RGL3: variants seen among roughly 807,000 people sequenced by gnomAD.
The protein encoded by RGL3 is ral guanine nucleotide dissociation stimulator like 3.
A neutral mutation model predicts 90.6 loss-of-function variants in RGL3; 85 were observed. The observed-to-expected ratio is 0.94, with a 90% CI of 0.79 to 1.12. The LOEUF (loss-of-function observed/expected upper bound fraction) is 1.12, where lower values mean the gene tolerates loss of function less well. RGL3 is among the 50% of genes most tolerant of loss of function. RGL3 has a pLI of 0.00. For synonymous variants in RGL3, 408 were observed against 385.5 expected (o/e 1.06, Z -0.68); for missense variants, 1,034 against 939.2 (o/e 1.10, Z -1.32).
intron 13 of RGL3, among the ~76,000 whole-genome samples, chr19:11,401,273 A>C (rs1037318378): frequency 2.0e-5 from 3 of 148,074 alleles, no homozygotes; most frequent in African/African-American, 7.5e-5. Context: ...TGTCACCTAG[A>C]CTGGAACTGC....
chr19:11,402,266 T>G lies in RGL3; in HGVS notation c.1330-19A>C. ...GATCCCCCTGGGGGCAAAGTGTGTCTGAATTGCAGCACCCAGGGTCAAGGG... is the reference window on the plus strand; with the variant it reads ...GATCCCCCTGGGGGCAAAGTGTGTCGGAATTGCAGCACCCAGGGTCAAGGG... On this transcript the variant is annotated intron_variant, in intron 11 of 18. Transcript: ENST00000380456. 6.2e-7 allele frequency: 1 copy of G among 1,612,378 alleles called. No homozygotes were observed. Among genetic ancestry groups the G allele is most frequent in the Non-Finnish European group, 8.5e-7 (1 of 1,179,874 alleles).
rs377577561 is a variant in RGL3 at position 11,417,721 on chromosome 19, C to T, written c.148-662G>A. Among the ~76,000 whole-genome samples, 19 of 151,318 alleles carry T rather than the reference C, an allele frequency of 1.3e-4. No homozygotes were observed. In the East Asian group the frequency reaches 1.8e-3, roughly 14 times the overall value. ...TCCTGACCTGATGATCCACTTGCCTCGGCCTCCCAAAGTGCTGGGATTACA... is the reference window on the plus strand; with the variant it reads ...TCCTGACCTGATGATCCACTTGCCTTGGCCTCCCAAAGTGCTGGGATTACA... On this transcript the variant is annotated intron_variant, in intron 2 of 18. Coordinates refer to ENST00000380456, the MANE Select transcript of RGL3 (RefSeq NM_001035223.4).
intron 7 of RGL3, among the ~76,000 whole-genome samples, chr19:11,405,774 C>A (rs1455523813): frequency 6.6e-6 from 1 of 151,420 alleles, no homozygotes; most frequent in Non-Finnish European, 1.5e-5. Context: ...CGAGTCACTG[C>A]AACCTCCGCC....
intron 16 of RGL3, among the ~76,000 whole-genome samples, chr19:11,399,541 C>A (rs1968634741): frequency 6.6e-6 from 1 of 152,008 alleles, no homozygotes; most frequent in South Asian, 2.1e-4. Context: ...TGCACTTCAG[C>A]CTGGGTGACA....
rs1188888193 is a variant in RGL3 at position 11,417,026 on chromosome 19, A to AG, written c.180dup (p.Tyr61LeufsTer27). 4 of 1,611,100 alleles carry AG rather than the reference A, an allele frequency of 2.5e-6. No homozygotes were observed. In the South Asian group the frequency reaches 4.4e-5, roughly 18 times the overall value. ...AGCACCCTCACCTTGCTGGTTCGAT[A>AG]GTGGAGGAAGGTATTGGCAATGGGG... On this transcript the variant is annotated frameshift_variant, in exon 3 of 19. Transcript: ENST00000380456. LOFTEE classifies it high-confidence loss of function.
chr19:11,414,324 CATAT>C (rs60359390), intron 5 of RGL3, among the ~76,000 whole-genome samples: 3 of 49,040 alleles, frequency 6.1e-5, no homozygotes, highest in African/African-American at 2.1e-4. Flanking sequence ...TATATACCTT[CATAT>C]ATATATATAT....
intron 13 of RGL3, among the ~76,000 whole-genome samples, chr19:11,400,918 A>G (rs1968664991): frequency 1.3e-5 from 2 of 152,018 alleles, no homozygotes; most frequent in East Asian, 3.9e-4. Context: ...AGTCAGGGTC[A>G]GACTGGGGTC....
In RGL3 at chr19:11,409,207, G is replaced by A. The variant is rs539497957; in HGVS notation, c.638-2343C>T. On this transcript the variant is annotated intron_variant, in intron 5 of 18. Coordinates refer to ENST00000380456, the MANE Select transcript of RGL3 (RefSeq NM_001035223.4). Reference sequence around the variant, plus strand: ...AAAAGAAAAGAAAAGAAGGCCGGGGGCAGTGGCTCACGCCTGTAATCCCAG... The same window carrying A: ...AAAAGAAAAGAAAAGAAGGCCGGGGACAGTGGCTCACGCCTGTAATCCCAG... Among the ~76,000 whole-genome samples, 3 of 148,866 alleles carry A rather than the reference G, an allele frequency of 2.0e-5. No homozygotes were observed. In the South Asian group the frequency reaches 6.4e-4, roughly 32 times the overall value.
intron 4 of RGL3, 70 bp from the exon 5 acceptor site, chr19:11,416,218 T>A: frequency 1.2e-4 from 10 of 81,642 alleles, no homozygotes; most frequent in Non-Finnish European, 1.5e-4. Context: ...CCTGGTACCT[T>A]TTTTTTTTTT....
At chr19:11,413,305 G>T (rs1968903674) in intron 5 of RGL3, among the ~76,000 whole-genome samples, 1 of 151,678 alleles carries the variant, frequency 6.6e-6, no homozygotes, top group East Asian at 1.9e-4. Context: ...GGAGACCGAG[G>T]TGGGTGGATC....
intron 5 of RGL3, among the ~76,000 whole-genome samples, chr19:11,412,676 A>G (rs2144735452): frequency 6.6e-6 from 1 of 152,026 alleles, no homozygotes; most frequent in African/African-American, 2.4e-5. Flanking sequence ...ATCTAAAAAT[A>G]AAATTCATAG....
chr19:11,414,446 CAT>C (rs578086951), intron 5 of RGL3, among the ~76,000 whole-genome samples: 2,204 of 45,680 alleles, frequency 0.048, 108 homozygotes, highest in African/African-American at 0.15. Context: ...CATATATATA[CAT>C]ATATATATAT....
chr19:11,402,173 C>T (rs1214390684), intron 12 of RGL3, 41 bp from the exon 13 acceptor site: 1 of 1,608,234 alleles, frequency 6.2e-7, no homozygotes, highest in Non-Finnish European at 8.5e-7. Context: ...TGCCCCACCC[C>T]CACCCTCAGG....
In RGL3 at chr19:11,406,549, G is replaced by C. The variant is rs201798500; in HGVS notation, c.866C>G (p.Pro289Arg). The change falls in exon 7 of 19, where the codon CCC (proline) becomes CGC (arginine). Residue 289 changes from proline (P) to arginine (R), a missense_variant. By Grantham distance (103) the Pro-to-Arg change is moderately radical (BLOSUM62 -2). Transcript: ENST00000380456. The part of the protein sequence containing the change: ...RDRPGAAGAS[P>R]TVRATVAQFN... ...CTGGGCCACGGTGGCGCGCACAGTG[G>C]GGGAGGCGCCTGCAGCCCCCGGCCG... The C allele has an allele frequency of 8.2e-4, 1,274 of 1,550,130 alleles. 2 individuals are homozygous for C. Among genetic ancestry groups the C allele is most frequent in the South Asian group, 9.3e-4 (78 of 84,168 alleles).
Position 11,410,684 on chromosome 19 carries a change from C to T in RGL3, c.638-3820G>A, listed in dbSNP as rs533359340. Among the ~76,000 whole-genome samples, 17 of 151,712 alleles carry T rather than the reference C, an allele frequency of 1.1e-4. No individual in the cohort carries two copies. The East Asian group carries it at 3.3e-3, about 30-fold the overall frequency. On this transcript the variant is annotated intron_variant, in intron 5 of 18. Coordinates refer to ENST00000380456, the MANE Select transcript of RGL3 (RefSeq NM_001035223.4). ...GTGACAGAGCAAGAAACTGTCTCTC[C>T]TCCCCCCACCCCAAAAAAAAGTGGG...
Position 11,416,402 on chromosome 19 carries a change from T to C in RGL3, c.425+212A>G, listed in dbSNP as rs111579368. The C allele has an allele frequency of 1.3e-4, 85 of 631,928 alleles. No individual in the cohort carries two copies. In the African/African-American group the frequency reaches 1.4e-3, roughly 10 times the overall value. The allele number at this position is 631,928 out of a possible 1,614,324, so 39.1% of individuals were successfully genotyped here. The stretch of plus-strand genomic sequence containing the variant: ...TTAGTAGAGACAGGGTTTCGCCATA[T>C]TGGCCAGGATGGTCTCTAACTCCTG... On this transcript the variant is annotated intron_variant, in intron 4 of 18. Coordinates refer to ENST00000380456, the MANE Select transcript of RGL3 (RefSeq NM_001035223.4).
At chr19:11,401,872 A>G (rs1197641948) in intron 13 of RGL3, 139 bp downstream of exon 13, 3 of 1,129,684 alleles carry the variant, frequency 2.7e-6, no homozygotes, top group Non-Finnish European at 2.4e-6. Context: ...AGATACTGCA[A>G]GGTCACAGGT....
rs185407660 is a variant in RGL3 at position 11,414,704 on chromosome 19, A to T, written c.637+1233T>A. Reference sequence around the variant, plus strand: ...ATCAAATACAGATGGGTGAAAGATGATACTTCCTAAGCAGGATGCAATTAT... The same window carrying T: ...ATCAAATACAGATGGGTGAAAGATGTTACTTCCTAAGCAGGATGCAATTAT... On this transcript the variant is annotated intron_variant, in intron 5 of 18. Coordinates refer to ENST00000380456, the MANE Select transcript of RGL3 (RefSeq NM_001035223.4). Among the ~76,000 whole-genome samples, 18 of 151,148 alleles carry T rather than the reference A, an allele frequency of 1.2e-4. No individual in the cohort carries two copies. The East Asian group carries it at 3.5e-3, about 29-fold the overall frequency.
intron 18 of RGL3, 108 bp from the exon 19 acceptor site, chr19:11,394,628 G>T: frequency 2.5e-6 from 2 of 786,166 alleles, no homozygotes; most frequent in Non-Finnish European, 2.2e-6. Flanking sequence ...ACAGCCATGG[G>T]TCCCTCTGCA....
Sources: gnomAD v4.1 joint callset for allele counts (sites outside exome capture counted in the v4.1 genomes callset) on GRCh38, gnomAD v4.1.1 for gene constraint, MANE v1.5 for transcripts, NCBI Gene and HGNC (gene_info 2026-07-23, HGNC 2026-07-21) for gene names.